RNLS: variants seen among roughly 807,000 people sequenced by gnomAD.
RNLS encodes the protein renalase.
Under a neutral mutation model 39.8 loss-of-function variants are expected in RNLS, and 39 were observed. That is an observed-to-expected ratio of 0.98 (90% CI 0.76 to 1.28). The LOEUF (loss-of-function observed/expected upper bound fraction) is 1.28, where lower values mean the gene tolerates loss of function less well. Among genes scored for constraint, RNLS ranks in the 50% most tolerant of loss-of-function variants. The probability of loss-of-function intolerance (pLI) is 0.00; values close to 1 mark genes in which losing one functional copy is unlikely to be tolerated. For synonymous variants in RNLS, 147 were observed against 150.7 expected (o/e 0.98, Z 0.18); for missense variants, 410 against 413.3 (o/e 0.99, Z 0.07).
intron 3 of RNLS, among the ~76,000 whole-genome samples, chr10:88,574,963 C>T (rs1001678346): frequency 7.3e-5 from 11 of 151,574 alleles, no homozygotes; most frequent in African/African-American, 2.4e-4. Context: ...ACTGATTCTA[C>T]GTTTTCTCAT....
intron 4 of RNLS, among the ~76,000 whole-genome samples, chr10:88,389,777 A>T (rs1434743461): frequency 6.6e-6 from 1 of 152,190 alleles, no homozygotes; most frequent in African/African-American, 2.4e-5. Flanking sequence ...CTATTGGGGG[A>T]CTACAAGATA....
chr10:88,213,649 C>T, the RNLS span, among the ~76,000 whole-genome samples: 1 of 152,010 alleles, frequency 6.6e-6, no homozygotes, highest in Non-Finnish European at 1.5e-5. Context: ...CTTGAAACTC[C>T]CCAGTTGAAG....
At chr10:88,200,168 A>C in the RNLS span, among the ~76,000 whole-genome samples, 1 of 152,154 alleles carries the variant, frequency 6.6e-6, no homozygotes, top group African/African-American at 2.4e-5. Context: ...CCAACTACCC[A>C]CAGAGGTGAG....
At chr10:88,550,958 A>G (rs1848577331) in intron 4 of RNLS, among the ~76,000 whole-genome samples, 1 of 152,240 alleles carries the variant, frequency 6.6e-6, no homozygotes, top group Non-Finnish European at 1.5e-5. Context: ...GATTCTATAT[A>G]GAACTATAAT....
At chr10:88,234,194 AAG>A in the RNLS span, among the ~76,000 whole-genome samples, 1 of 151,424 alleles carries the variant, frequency 6.6e-6, no homozygotes, top group African/African-American at 2.4e-5. Flanking sequence ...GGAAAAGAGG[AAG>A]AGAGAGAGAG....
intron 4 of RNLS, among the ~76,000 whole-genome samples, chr10:88,445,120 T>G (rs1273946826): frequency 6.6e-6 from 1 of 152,144 alleles, no homozygotes; most frequent in Admixed American, 6.5e-5. Flanking sequence ...AGTGGATCAC[T>G]TGGCAGAAAT....
chr10:88,450,143 CG>C (rs1842284759), intron 4 of RNLS, among the ~76,000 whole-genome samples: 1 of 151,698 alleles, frequency 6.6e-6, no homozygotes, highest in African/African-American at 2.4e-5. Flanking sequence ...TGATACAGGA[CG>C]TAGAAAGGAA....
At chr10:88,530,568 T>G (rs1847363644) in intron 4 of RNLS, among the ~76,000 whole-genome samples, 1 of 152,208 alleles carries the variant, frequency 6.6e-6, no homozygotes, top group African/African-American at 2.4e-5. Context: ...TTTAGCATTT[T>G]AGTTTAATGT....
the RNLS span, among the ~76,000 whole-genome samples, chr10:88,191,556 T>C: frequency 6.6e-6 from 1 of 152,202 alleles, no homozygotes; most frequent in East Asian, 1.9e-4. Flanking sequence ...GATGTTTTGA[T>C]TTTTTCCCCT....
chr10:88,326,775 A>T (rs1846646777), intron 5 of RNLS, among the ~76,000 whole-genome samples: 1 of 152,168 alleles, frequency 6.6e-6, no homozygotes, highest in African/African-American at 2.4e-5. Flanking sequence ...CAGCTGGAAA[A>T]GCTGCAGACA....
intron 5 of RNLS, among the ~76,000 whole-genome samples, chr10:88,350,796 G>T (rs1027884280): frequency 6.6e-5 from 10 of 152,158 alleles, no homozygotes; most frequent in African/African-American, 2.4e-4. Flanking sequence ...AGATCCCTGA[G>T]GAATCGCCGC....
the RNLS span, among the ~76,000 whole-genome samples, chr10:88,221,709 T>C: frequency 1.4e-4 from 22 of 152,350 alleles, no homozygotes; most frequent in African/African-American, 5.3e-4. Flanking sequence ...TTTCCTCTTC[T>C]GTAAAACAAG....
intron 5 of RNLS, among the ~76,000 whole-genome samples, chr10:88,347,401 A>C (rs1848382244): frequency 6.6e-6 from 1 of 152,160 alleles, no homozygotes; most frequent in Non-Finnish European, 1.5e-5. Context: ...GGAAACAGCA[A>C]GCTGAGCTTT....
At chr10:88,563,569 G>A (rs992559167) in intron 4 of RNLS, among the ~76,000 whole-genome samples, 1 of 152,026 alleles carries the variant, frequency 6.6e-6, no homozygotes, top group African/African-American at 2.4e-5. Flanking sequence ...TAGCATTAAG[G>A]TCCAAGTTGA....
intron 4 of RNLS, among the ~76,000 whole-genome samples, chr10:88,469,917 CAT>C (rs1314002223): frequency 1.1e-4 from 14 of 130,650 alleles, no homozygotes; most frequent in Admixed American, 6.8e-4. Context: ...TACATACATA[CAT>C]ATATATACAA....
intron 5 of RNLS, among the ~76,000 whole-genome samples, chr10:88,341,363 AC>A (rs1215101453): frequency 1.3e-5 from 2 of 151,734 alleles, no homozygotes; most frequent in Non-Finnish European, 2.9e-5. Context: ...ATGAGAACAA[AC>A]AAGAATATTG....
downstream of RNLS, among the ~76,000 whole-genome samples, chr10:88,272,175 G>T (rs975384657): frequency 3.9e-5 from 6 of 152,108 alleles, no homozygotes; most frequent in Non-Finnish European, 7.4e-5. Context: ...CTAGAGCAGT[G>T]ATGTATTTTA....
chr10:88,314,582 A>G lies in RNLS; in HGVS notation c.760T>C (p.Tyr254His), dbSNP rs1845617175. The G allele has an allele frequency of 1.2e-6, 2 of 1,613,958 alleles. No homozygotes were observed. Among genetic ancestry groups the G allele is most frequent in the Non-Finnish European group, 1.7e-6 (2 of 1,179,874 alleles). The change falls in exon 6 of 7, where the codon TAC becomes CAC. Residue 254 changes from tyrosine (Y) to histidine (H), a missense_variant. Tyr to His is a moderately conservative substitution (Grantham distance 83). Transcript: ENST00000331772. ...ACATCCTCAATGCTGTGTTCCAAGT[A>G]TGTAACTCCAAATGGGACAGTGGTG... ...IHTTVPFGVT[Y>H]LEHSIEDVQE...
At chr10:88,191,362 T>C in the RNLS span, among the ~76,000 whole-genome samples, 1 of 152,166 alleles carries the variant, frequency 6.6e-6, no homozygotes, top group African/African-American at 2.4e-5. Context: ...TTAGTTTCTT[T>C]TTTTTCTGCA....
Sources: allele counts gnomAD v4.1 joint callset (sites outside exome capture counted in the v4.1 genomes callset), GRCh38; gene constraint gnomAD v4.1.1; transcripts MANE v1.5; gene names NCBI Gene and HGNC (gene_info 2026-07-23, HGNC 2026-07-21).